The following ADARB2 variants were observed in gnomAD, a reference collection of about 807,000 sequenced individuals.
ADARB2 encodes the protein adenosine deaminase RNA specific B2 (inactive).
A neutral mutation model predicts 62.2 loss-of-function variants in ADARB2; 25 were observed. The ratio of observed to expected loss-of-function variants is 0.40; its 90% CI spans 0.29 to 0.56. The LOEUF (loss-of-function observed/expected upper bound fraction) is 0.56, where lower values mean the gene tolerates loss of function less well. Among genes scored for constraint, ADARB2 ranks in the 20% least tolerant of loss-of-function variants. ADARB2 has a pLI of 0.43. For synonymous variants in ADARB2, 572 were observed against 500.8 expected (o/e 1.14, Z -1.90); for missense variants, 1,071 against 1,077.4 (o/e 0.99, Z 0.08).
At chr10:1,411,977 G>T (rs150758466) in intron 1 of ADARB2, among the ~76,000 whole-genome samples, 1 of 152,320 alleles carries the variant, frequency 6.6e-6, no homozygotes, top group African/African-American at 2.4e-5. Flanking sequence ...TAGAAACGAC[G>T]CATCAGGCTG....
intron 1 of ADARB2, among the ~76,000 whole-genome samples, chr10:1,565,965 G>T (rs141404229): frequency 1.1e-4 from 17 of 151,184 alleles, no homozygotes; most frequent in African/African-American, 3.9e-4. Flanking sequence ...AGCCAGGATT[G>T]CAGAGCCCTC....
intron 3 of ADARB2, among the ~76,000 whole-genome samples, chr10:1,316,598 A>ATCT (rs1831742277): frequency 6.6e-6 from 1 of 152,140 alleles, no homozygotes. Context: ...ACAACCGTAA[A>ATCT]TCTTATGTAT....
At chr10:1,636,360 T>C (rs1833917501) in intron 1 of ADARB2, among the ~76,000 whole-genome samples, 3 of 152,032 alleles carry the variant, frequency 2.0e-5, no homozygotes, top group Admixed American at 2.0e-4. Flanking sequence ...CTATAAAAAA[T>C]ATAAAAATTA....
chr10:1,721,320 C>T (rs1005413378), intron 1 of ADARB2, among the ~76,000 whole-genome samples: 14 of 152,156 alleles, frequency 9.2e-5, no homozygotes, highest in Non-Finnish European at 1.8e-4. Flanking sequence ...CAGATAAGAC[C>T]AAACGAATGT....
intron 1 of ADARB2, among the ~76,000 whole-genome samples, chr10:1,548,831 G>A (rs1442342764): frequency 6.6e-6 from 1 of 152,186 alleles, no homozygotes; most frequent in Non-Finnish European, 1.5e-5. Flanking sequence ...TAGGAACCTG[G>A]GAAGAGTTAT....
At chr10:1,188,643 A>G (rs1361959427) in intron 8 of ADARB2, among the ~76,000 whole-genome samples, 6 of 140,304 alleles carry the variant, frequency 4.3e-5, no homozygotes, top group African/African-American at 1.6e-4. Flanking sequence ...AACCTTCCAT[A>G]GAGAGATAGT....
chr10:1,343,658 A>C (rs1228248032), intron 3 of ADARB2, among the ~76,000 whole-genome samples: 1 of 152,230 alleles, frequency 6.6e-6, no homozygotes, highest in Non-Finnish European at 1.5e-5. Context: ...TACAGAAAAT[A>C]TGCTACATAT....
rs552913866 is a variant in ADARB2, at chr10:1,636,252, C to G, written c.100+100799G>C. On this transcript the variant is annotated intron_variant, in intron 1 of 9. Transcript: ENST00000381312. The stretch of plus-strand genomic sequence containing the variant: ...TACTAAAGAGCCAGGTGCAGTGGCT[C>G]ACGCCTGTAATCCCAATACTTTGGG... Among the ~76,000 whole-genome samples, 104 of 152,374 alleles carry G rather than the reference C, an allele frequency of 6.8e-4. 2 individuals carry two copies. In the South Asian group the frequency reaches 0.021, roughly 31 times the overall value.
At chr10:1,192,794 A>G (rs942200366) in intron 8 of ADARB2, among the ~76,000 whole-genome samples, 18 of 152,134 alleles carry the variant, frequency 1.2e-4, no homozygotes, top group African/African-American at 4.3e-4. Context: ...ACAAAAAAAA[A>G]TTAGCCAGCC....
chr10:1,219,342 C>T (rs1830661008), intron 6 of ADARB2, among the ~76,000 whole-genome samples: 1 of 152,168 alleles, frequency 6.6e-6, no homozygotes, highest in African/African-American at 2.4e-5. Context: ...CCTAAAGATC[C>T]CAAGTAATTT....
intron 1 of ADARB2, among the ~76,000 whole-genome samples, chr10:1,548,721 G>T (rs1384546996): frequency 6.6e-6 from 1 of 152,222 alleles, no homozygotes; most frequent in African/African-American, 2.4e-5. Context: ...CTGACAGAAA[G>T]AAACAGGAAG....
chr10:1,678,778 C>T (rs929961619), intron 1 of ADARB2, among the ~76,000 whole-genome samples: 2 of 152,000 alleles, frequency 1.3e-5, no homozygotes, highest in African/African-American at 2.4e-5. Context: ...TTCCACATCT[C>T]GGCTGTTCCA....
intron 1 of ADARB2, among the ~76,000 whole-genome samples, chr10:1,650,162 A>G (rs1048114970): frequency 6.6e-6 from 1 of 152,226 alleles, no homozygotes; most frequent in South Asian, 2.1e-4. Context: ...GACTGCTCTC[A>G]CATGCTTTTC....
At chr10:1,322,929 T>C (rs956404538) in intron 3 of ADARB2, among the ~76,000 whole-genome samples, 2 of 152,206 alleles carry the variant, frequency 1.3e-5, no homozygotes, top group Non-Finnish European at 2.9e-5. Flanking sequence ...ACAGATTTGA[T>C]TCAACTTTCT....
intron 6 of ADARB2, among the ~76,000 whole-genome samples, chr10:1,230,268 G>A (rs895108212): frequency 7.9e-5 from 12 of 152,176 alleles, no homozygotes; most frequent in Non-Finnish European, 1.3e-4. Flanking sequence ...GAATTGGAGG[G>A]GCAGTGCCGC....
In ADARB2 at chr10:1,610,807, TAC is replaced by T. The variant is rs776451274; in HGVS notation, c.100+126242_100+126243del. 5.5e-4 allele frequency among the ~76,000 whole-genome samples: 80 copies of T among 144,370 alleles called. 1 individual carries two copies. The highest frequency in any genetic ancestry group is 8.1e-4 in the Non-Finnish European group (52 of 64,342). 94.7% of individuals were successfully genotyped at this position (144,370 alleles called of 152,430 possible). The stretch of plus-strand genomic sequence containing the variant: ...ACATGTGCACAGGCACATGCACACA[TAC>T]AGACACATACAGACACAGACATGCA... On this transcript the variant is annotated intron_variant, in intron 1 of 9. Transcript: ENST00000381312.
intron 1 of ADARB2, among the ~76,000 whole-genome samples, chr10:1,405,120 C>T (rs974271847): frequency 7.2e-5 from 11 of 152,166 alleles, no homozygotes; most frequent in Non-Finnish European, 2.9e-5. Flanking sequence ...ACAGAGGTAA[C>T]GGGGCAGAGG....
chr10:1,382,353 G>A (rs1832490743), intron 1 of ADARB2, among the ~76,000 whole-genome samples: 1 of 152,182 alleles, frequency 6.6e-6, no homozygotes, highest in African/African-American at 2.4e-5. Flanking sequence ...TTGCTAACAA[G>A]TACACCTGAA....
intron 1 of ADARB2, among the ~76,000 whole-genome samples, chr10:1,609,137 C>T (rs538493789): frequency 6.6e-6 from 1 of 152,228 alleles, no homozygotes; most frequent in Non-Finnish European, 1.5e-5. Context: ...GGGAGCCTGA[C>T]CCTGCTCCCA....
Sources: gnomAD v4.1 joint callset for allele counts (sites outside exome capture counted in the v4.1 genomes callset) on GRCh38, gnomAD v4.1.1 for gene constraint, MANE v1.5 for transcripts, NCBI Gene and HGNC (gene_info 2026-07-23, HGNC 2026-07-21) for gene names.